PEMT: variants seen among roughly 807,000 people sequenced by gnomAD.
PEMT encodes phospholipid methyltransferase.
PEMT carries 23 observed loss-of-function variants against 27.4 expected under a neutral mutation model. The observed-to-expected ratio is 0.84, with a 90% CI of 0.60 to 1.19. The LOEUF (loss-of-function observed/expected upper bound fraction) is 1.19. Ranked by LOEUF, PEMT falls within the 50% of genes most tolerant of loss-of-function variation. PEMT has a pLI of 0.00. For missense variants in PEMT, 307 were observed against 310.1 expected, an observed-to-expected ratio of 0.99 and a Z score of 0.07; for synonymous variants, 137 against 139.1, an observed-to-expected ratio of 0.98 and a Z score of 0.11.
At chr17:17,559,069 C>T (rs1342740914) in intron 2 of PEMT, among the ~76,000 whole-genome samples, 4 of 152,212 alleles carry the variant, frequency 2.6e-5, no homozygotes, top group African/African-American at 4.8e-5. Context: ...CACTTCACCC[C>T]GTCGCAGCTT....
At chr17:17,584,103 C>T (rs890572949) in intron 1 of PEMT, among the ~76,000 whole-genome samples, 2 of 152,214 alleles carry the variant, frequency 1.3e-5, no homozygotes, top group East Asian at 1.9e-4. Context: ...CTCGCCTCCA[C>T]GCTGGGCTGC....
At chr17:17,557,465 G>T (rs547743897) in intron 2 of PEMT, among the ~76,000 whole-genome samples, 8 of 152,344 alleles carry the variant, frequency 5.3e-5, no homozygotes, top group African/African-American at 1.9e-4. Context: ...CAGGTGTGTG[G>T]TTGAGAAGCC....
chr17:17,538,946 A>G (rs1169556125), intron 2 of PEMT, among the ~76,000 whole-genome samples: 2 of 152,190 alleles, frequency 1.3e-5, no homozygotes, highest in African/African-American at 4.8e-5. Context: ...TATGGGCGAG[A>G]GACATTATCA....
chr17:17,564,652 C>T (rs1446221717), intron 2 of PEMT, among the ~76,000 whole-genome samples: 3 of 152,202 alleles, frequency 2.0e-5, no homozygotes, highest in East Asian at 1.9e-4. Flanking sequence ...ATGAGCAGCC[C>T]GCTCCATCTG....
At chr17:17,557,952 C>A (rs1910175870) in intron 2 of PEMT, among the ~76,000 whole-genome samples, 1 of 152,214 alleles carries the variant, frequency 6.6e-6, no homozygotes, top group South Asian at 2.1e-4. Context: ...CCATGCTTGG[C>A]TGGCTGGGCT....
chr17:17,542,261 G>T (rs113167457), intron 2 of PEMT, among the ~76,000 whole-genome samples: 2 of 152,134 alleles, frequency 1.3e-5, no homozygotes, highest in African/African-American at 4.8e-5. Flanking sequence ...GATTACAGGC[G>T]TGAGCCACTA....
intron 2 of PEMT, among the ~76,000 whole-genome samples, chr17:17,556,328 G>A (rs1910047874): frequency 6.6e-6 from 1 of 151,988 alleles, no homozygotes; most frequent in Admixed American, 6.5e-5. Flanking sequence ...CAAGGCCGGA[G>A]CCTTCTGCAT....
At chr17:17,577,276 C>T (rs1911666043) in intron 1 of PEMT, 2 of 487,852 alleles carry the variant, frequency 4.1e-6, no homozygotes, top group Non-Finnish European at 7.4e-6. Flanking sequence ...ATCAGCACCT[C>T]TGAAGAGGGG....
chr17:17,552,311 C>CA (rs796265123), intron 2 of PEMT, among the ~76,000 whole-genome samples: 65 of 142,320 alleles, frequency 4.6e-4, no homozygotes, highest in African/African-American at 8.5e-4. Flanking sequence ...GACTCTGACT[C>CA]AAAAAAAAAA....
intron 2 of PEMT, among the ~76,000 whole-genome samples, chr17:17,541,179 G>C (rs1288448498): frequency 6.6e-6 from 1 of 152,218 alleles, no homozygotes; most frequent in Non-Finnish European, 1.5e-5. Flanking sequence ...GCACCCATAT[G>C]AGGTAGGCGC....
chr17:17,569,110 G>A (rs1161596137), intron 2 of PEMT, among the ~76,000 whole-genome samples: 1 of 152,232 alleles, frequency 6.6e-6, no homozygotes, highest in Non-Finnish European at 1.5e-5. Context: ...GGGTTCCAGG[G>A]AAAGAGACTC....
chr17:17,542,334 T>C (rs1908950680), intron 2 of PEMT, among the ~76,000 whole-genome samples: 1 of 152,252 alleles, frequency 6.6e-6, no homozygotes, highest in African/African-American at 2.4e-5. Context: ...GTTTGCCTGA[T>C]TGAGCTCCCG....
At chr17:17,560,860 T>C (rs1910425451) in intron 2 of PEMT, among the ~76,000 whole-genome samples, 1 of 151,666 alleles carries the variant, frequency 6.6e-6, no homozygotes, top group African/African-American at 2.4e-5. Flanking sequence ...CACCCTCACC[T>C]ACACGCTGCC....
At chr17:17,589,106 A>T (rs1912470024) in intron 1 of PEMT, among the ~76,000 whole-genome samples, 1 of 152,280 alleles carries the variant, frequency 6.6e-6, no homozygotes, top group African/African-American at 2.4e-5. Context: ...GATTACAGGC[A>T]TGTGCCGCCA....
rs768106458 is a variant in PEMT, at chr17:17,505,816, G to C, written c.686C>G (p.Ala229Gly). ...TCAGCTCCTCTTGTGGGACCCGGAG[G>C]CTTTCTGCCGGTAGATCTCAGCGGT... is the stretch of plus-strand genomic sequence containing the variant. ...PFTAEIYRQK[A>G]SGSHKRS Residue 229 changes from alanine (A) to glycine (G), a missense_variant, in exon 7 of 7, where the codon GCC (alanine) becomes GGC (glycine). Ala to Gly is a moderately conservative substitution (Grantham distance 60). Coordinates refer to ENST00000255389, the MANE Select transcript of PEMT (RefSeq NM_148172.3). The C allele has an allele frequency of 6.2e-7, 1 of 1,611,538 alleles. No individual in the cohort carries two copies. Among genetic ancestry groups the C allele is most frequent in the Non-Finnish European group, 8.5e-7 (1 of 1,178,678 alleles).
At chr17:17,587,681 C>A (rs894654529) in intron 1 of PEMT, among the ~76,000 whole-genome samples, 1 of 152,020 alleles carries the variant, frequency 6.6e-6, no homozygotes, top group African/African-American at 2.4e-5. Flanking sequence ...TGGCCAACAA[C>A]CCTGTCGCTA....
At chr17:17,539,198 C>T (rs1908706923) in intron 2 of PEMT, among the ~76,000 whole-genome samples, 1 of 152,138 alleles carries the variant, frequency 6.6e-6, no homozygotes, top group Non-Finnish European at 1.5e-5. Flanking sequence ...CCAGGCTGGT[C>T]TCCAACTGTT....
chr17:17,507,301 G>A, intron 5 of PEMT: 2 of 950,420 alleles, frequency 2.1e-6, no homozygotes, highest in Non-Finnish European at 1.6e-6. Context: ...CCTGGGCCAG[G>A]GGCTGTGCCC....
At chr17:17,507,086 C>T (rs1905927322) in intron 5 of PEMT, 1 of 1,350,184 alleles carries the variant, frequency 7.4e-7, no homozygotes, top group Non-Finnish European at 1.0e-6. Flanking sequence ...TCAGTGACGG[C>T]ACCAAGGAGC....
Sources: gnomAD v4.1 joint callset for allele counts (sites outside exome capture counted in the v4.1 genomes callset) on GRCh38, gnomAD v4.1.1 for gene constraint, MANE v1.5 for transcripts, NCBI Gene and HGNC (gene_info 2026-07-23, HGNC 2026-07-21) for gene names.